KTN1: variants seen among roughly 807,000 people sequenced by gnomAD.
KTN1 encodes kinectin.
Under a neutral mutation model 222.5 loss-of-function variants are expected in KTN1, and 130 were observed. The ratio of observed to expected loss-of-function variants is 0.58; its 90% CI spans 0.51 to 0.68. The LOEUF (loss-of-function observed/expected upper bound fraction) is 0.68, where lower values mean the gene tolerates loss of function less well. Ranked by LOEUF, KTN1 falls within the 30% of genes least tolerant of loss-of-function variation. The pLI is 0.00. For missense variants in KTN1, 1,508 were observed against 1,500.4 expected, an observed-to-expected ratio of 1.01 and a Z score of -0.08; for synonymous variants, 512 against 496.3, an observed-to-expected ratio of 1.03 and a Z score of -0.42.
intron 1 of KTN1, among the ~76,000 whole-genome samples, chr14:55,608,207 T>G (rs949001489): frequency 3.9e-5 from 6 of 152,240 alleles, no homozygotes; most frequent in African/African-American, 1.2e-4. Context: ...TCATTCTCAG[T>G]TCCTTTTTGT....
At chr14:55,652,763 A>C in intron 25 of KTN1, 87 bp from the exon 26 acceptor site, 1 of 859,704 alleles carries the variant, frequency 1.2e-6, no homozygotes, top group Non-Finnish European at 1.8e-6. Flanking sequence ...AGTACTACCC[A>C]AAATATACTT....
chr14:55,651,176 C>A, intron 24 of KTN1: 1 of 427,632 alleles, frequency 2.3e-6, no homozygotes, highest in South Asian at 1.7e-5. Context: ...ATTGTCAAAG[C>A]AGTACTTGTC....
intron 1 of KTN1, among the ~76,000 whole-genome samples, chr14:55,591,170 T>C (rs1265117861): frequency 5.9e-5 from 9 of 152,204 alleles, no homozygotes; most frequent in Non-Finnish European, 1.3e-4. Context: ...GTGTTTTTTT[T>C]CAAACTTTTT....
chr14:55,674,078 G>C (rs1327758221), intron 40 of KTN1: 1 of 151,756 alleles, frequency 6.6e-6, no homozygotes, highest in Non-Finnish European at 1.5e-5. Context: ...AGTTCACCCT[G>C]CCCAGTTTGG....
At chr14:55,682,063 T>C (rs1367080775) in intron 43 of KTN1, 1 of 152,194 alleles carries the variant, frequency 6.6e-6, no homozygotes, top group South Asian at 2.1e-4. Context: ...TTATGAATTG[T>C]TTATGATAAT....
chr14:55,594,890 T>C (rs1271911211), intron 1 of KTN1, among the ~76,000 whole-genome samples: 2 of 152,198 alleles, frequency 1.3e-5, no homozygotes, highest in African/African-American at 2.4e-5. Context: ...AGAGTGTCAC[T>C]TTTTGGGAAG....
intron 1 of KTN1, among the ~76,000 whole-genome samples, chr14:55,591,333 A>G (rs951451772): frequency 2.6e-5 from 4 of 152,170 alleles, no homozygotes; most frequent in East Asian, 1.9e-4. Context: ...TAGAGTGTAG[A>G]TAGTTTTGGG....
At chr14:55,637,163 A>G in intron 10 of KTN1, 35 bp from the exon 11 acceptor site, 1 of 1,508,690 alleles carries the variant, frequency 6.6e-7, no homozygotes, top group Admixed American at 1.9e-5. Context: ...TAGGCAAAGA[A>G]AGAGACCTCT....
chr14:55,654,590 G>A (rs551354880), intron 28 of KTN1, among the ~76,000 whole-genome samples: 1 of 136,578 alleles, frequency 7.3e-6, no homozygotes, highest in Non-Finnish European at 1.6e-5. Context: ...TTTATTTTTT[G>A]TGGTGGAGAA....
chr14:55,648,264 G>GT (rs1273273904), intron 20 of KTN1, 149 bp downstream of exon 20: 3 of 425,096 alleles, frequency 7.1e-6, no homozygotes, highest in Non-Finnish European at 1.3e-5. Flanking sequence ...TTTAATTAAA[G>GT]TTTTTTTAGA....
intron 5 of KTN1, among the ~76,000 whole-genome samples, chr14:55,620,117 C>T (rs778185935): frequency 6.6e-6 from 1 of 152,176 alleles, no homozygotes; most frequent in Non-Finnish European, 1.5e-5. Context: ...TCCAGTGGGG[C>T]AGTCAAATCT....
At chr14:55,601,237 A>G (rs2035928331) in intron 1 of KTN1, among the ~76,000 whole-genome samples, 1 of 152,218 alleles carries the variant, frequency 6.6e-6, no homozygotes, top group Non-Finnish European at 1.5e-5. Flanking sequence ...TGCTGAAGTA[A>G]GTGGTGTGTT....
Position 55,612,544 on chromosome 14 carries a change from G to C in KTN1, c.496G>C (p.Gly166Arg). Reference sequence around the variant, plus strand: ...AGCAGCTGCCTCGAAGAAGAAACCAGGGCAGAAGAAGTCTAAAAATGGAAG... The same window carrying C: ...AGCAGCTGCCTCGAAGAAGAAACCACGGCAGAAGAAGTCTAAAAATGGAAG... ...SEAAASKKKP[G>R]QKKSKNGSDD... The change falls in exon 2 of 44, where the codon GGG becomes CGG. Residue 166 changes from glycine (G) to arginine (R), a missense_variant. Gly to Arg is a moderately radical substitution (Grantham distance 125). Coordinates refer to ENST00000395314, the MANE Select transcript of KTN1 (RefSeq NM_001079521.2). 1 of 1,586,340 alleles carries C rather than the reference G, an allele frequency of 6.3e-7. No individual in the cohort carries two copies. The highest frequency in any genetic ancestry group is 8.5e-7 in the Non-Finnish European group (1 of 1,172,716).
At chr14:55,622,089 C>A (rs913842932) in intron 5 of KTN1, among the ~76,000 whole-genome samples, 1 of 151,828 alleles carries the variant, frequency 6.6e-6, no homozygotes, top group East Asian at 1.9e-4. Flanking sequence ...CCTCATGATC[C>A]GCCTGCCTCG....
intron 12 of KTN1, 124 bp downstream of exon 12, chr14:55,637,971 G>A (rs1396193710): frequency 1.5e-6 from 1 of 676,254 alleles, no homozygotes. Context: ...ATCAACAAAT[G>A]ATGATCCTGA....
At chr14:55,651,695 CTTA>C in intron 24 of KTN1, 192 bp from the exon 25 acceptor site, 4 of 535,414 alleles carry the variant, frequency 7.5e-6, no homozygotes, top group Non-Finnish European at 1.3e-5. Flanking sequence ...GTCCCTCCCC[CTTA>C]TTATTTTTAG....
chr14:55,608,530 T>G (rs2037075261), intron 1 of KTN1, among the ~76,000 whole-genome samples: 2 of 152,326 alleles, frequency 1.3e-5, no homozygotes, highest in African/African-American at 4.8e-5. Flanking sequence ...TGTTCATGGT[T>G]TTAATACCTA....
At chr14:55,616,685 G>A (rs369636722) in intron 3 of KTN1, 31 bp downstream of exon 3, 2 of 1,548,314 alleles carry the variant, frequency 1.3e-6, no homozygotes, top group African/African-American at 2.8e-5. Context: ...TTTTTATAAT[G>A]CTAATTCTAG....
chr14:55,660,614 G>A (rs1020876970), intron 31 of KTN1, among the ~76,000 whole-genome samples: 3 of 152,004 alleles, frequency 2.0e-5, no homozygotes, highest in Non-Finnish European at 4.4e-5. Context: ...TTGGTTTACA[G>A]AGTTGCTTGT....
Sources: gnomAD v4.1 joint callset for allele counts (sites outside exome capture counted in the v4.1 genomes callset) on GRCh38, gnomAD v4.1.1 for gene constraint, MANE v1.5 for transcripts, NCBI Gene and HGNC (gene_info 2026-07-23, HGNC 2026-07-21) for gene names.